The following PDE7B variants were observed in gnomAD, a reference collection of about 807,000 sequenced individuals.
The protein encoded by PDE7B is 3',5'-cyclic-AMP phosphodiesterase 7B.
PDE7B carries 29 observed loss-of-function variants against 56.2 expected under a neutral mutation model. That is an observed-to-expected ratio of 0.52 (90% CI 0.38 to 0.70). PDE7B has a LOEUF of 0.70. Ranked by LOEUF, PDE7B falls within the 30% of genes least tolerant of loss-of-function variation. The probability of loss-of-function intolerance (pLI) is 0.00; values close to 1 mark genes in which losing one functional copy is unlikely to be tolerated. For synonymous variants in PDE7B, 197 were observed against 196.9 expected (o/e 1.00, Z 0.00); for missense variants, 490 against 565.0 (o/e 0.87, Z 1.35).
intron 2 of PDE7B, among the ~76,000 whole-genome samples, chr6:136,090,124 G>A (rs987121975): frequency 4.6e-5 from 7 of 152,100 alleles, no homozygotes; most frequent in South Asian, 2.1e-4. Context: ...TGACTCACAA[G>A]CGACTGTTCT....
chr6:136,093,201 T>G (rs1475198166), intron 2 of PDE7B, among the ~76,000 whole-genome samples: 1 of 152,198 alleles, frequency 6.6e-6, no homozygotes, highest in African/African-American at 2.4e-5. Context: ...GTCAGGGGTA[T>G]GTTTAATGCA....
At chr6:135,999,114 C>A (rs920469724) in intron 2 of PDE7B, among the ~76,000 whole-genome samples, 1 of 152,082 alleles carries the variant, frequency 6.6e-6, no homozygotes, top group African/African-American at 2.4e-5. Flanking sequence ...GAACTTCAGT[C>A]AATAAGTTGT....
chr6:135,992,411 G>A (rs1265177511), intron 2 of PDE7B, among the ~76,000 whole-genome samples: 1 of 151,994 alleles, frequency 6.6e-6, no homozygotes, highest in African/African-American at 2.4e-5. Context: ...TAACATTTCT[G>A]TTTCATTTCA....
intron 8 of PDE7B, among the ~76,000 whole-genome samples, chr6:136,161,523 G>C (rs183481270): frequency 1.3e-5 from 2 of 152,240 alleles, no homozygotes; most frequent in Non-Finnish European, 2.9e-5. Flanking sequence ...ATTGCATCTT[G>C]GAATTGACAA....
At position 136,038,327 on chromosome 6, in the gene PDE7B, C is replaced by G. The variant is rs1290176244; in HGVS notation, c.83-70404C>G. On this transcript the variant is annotated intron_variant, in intron 2 of 12. Coordinates refer to ENST00000308191, the MANE Select transcript of PDE7B (RefSeq NM_018945.4). ...AGAGCGATATTTCCACCCAGCAGAG[C>G]TAGGCAGGAGGTGGACAGGCCCAGA... 7 of 1,292,840 alleles carry G rather than the reference C, an allele frequency of 5.4e-6. No individual in the cohort carries two copies. The Admixed American group carries it at 1.6e-4, about 30-fold the overall frequency. 80.1% of individuals were successfully genotyped at this position (1,292,840 alleles called of 1,614,324 possible).
At chr6:135,895,943 G>T (rs759680999) in intron 1 of PDE7B, among the ~76,000 whole-genome samples, 2 of 152,120 alleles carry the variant, frequency 1.3e-5, no homozygotes, top group Non-Finnish European at 2.9e-5. Flanking sequence ...TGCCCCAAGG[G>T]TTCCTTCTTC....
intron 3 of PDE7B, among the ~76,000 whole-genome samples, chr6:136,127,327 C>T (rs913954733): frequency 6.6e-6 from 1 of 152,166 alleles, no homozygotes; most frequent in African/African-American, 2.4e-5. Context: ...GGTAATGCCT[C>T]CCACATTGAA....
chr6:135,935,184 A>ATT (rs1322496738), intron 1 of PDE7B, among the ~76,000 whole-genome samples: 652 of 53,858 alleles, frequency 0.012, 86 homozygotes, highest in East Asian at 0.081. Flanking sequence ...ATATATATAT[A>ATT]TTTATTTATA....
chr6:135,972,705 C>T (rs1232812596), intron 2 of PDE7B, among the ~76,000 whole-genome samples: 1 of 152,024 alleles, frequency 6.6e-6, no homozygotes, highest in Non-Finnish European at 1.5e-5. Flanking sequence ...TCTTAGCTAC[C>T]ACTGTTGCAT....
At chr6:135,900,422 C>T (rs1775979368) in intron 1 of PDE7B, among the ~76,000 whole-genome samples, 1 of 152,106 alleles carries the variant, frequency 6.6e-6, no homozygotes, top group Non-Finnish European at 1.5e-5. Flanking sequence ...AAAGATTTCC[C>T]AGTGTTTTCT....
At chr6:136,150,472 T>TC (rs1778491298) in intron 5 of PDE7B, among the ~76,000 whole-genome samples, 1 of 152,186 alleles carries the variant, frequency 6.6e-6, no homozygotes, top group Non-Finnish European at 1.5e-5. Context: ...GACTATCCTT[T>TC]CCCCAATGTG....
At chr6:135,856,670 G>C (rs2128183613) in intron 1 of PDE7B, among the ~76,000 whole-genome samples, 1 of 152,266 alleles carries the variant, frequency 6.6e-6, no homozygotes, top group East Asian at 1.9e-4. Context: ...TCTGCTCTGA[G>C]TGAGAGTTTA....
At chr6:136,101,480 G>T (rs1206375583) in intron 2 of PDE7B, among the ~76,000 whole-genome samples, 1 of 152,064 alleles carries the variant, frequency 6.6e-6, no homozygotes, top group African/African-American at 2.4e-5. Flanking sequence ...ACTTCTTCCT[G>T]CTTTAGTCTT....
intron 1 of PDE7B, among the ~76,000 whole-genome samples, chr6:135,929,757 C>T (rs986721931): frequency 2.0e-5 from 3 of 152,056 alleles, no homozygotes; most frequent in African/African-American, 4.8e-5. Flanking sequence ...GCTACGAGGG[C>T]GTTTAGAAGA....
chr6:135,902,839 A>G (rs1776029526), intron 1 of PDE7B, among the ~76,000 whole-genome samples: 1 of 152,204 alleles, frequency 6.6e-6, no homozygotes, highest in Admixed American at 6.5e-5. Context: ...TGTAGCTGTT[A>G]GTATATAATC....
rs945317866 is a variant in PDE7B, at chr6:136,185,642, G to T, written c.1046-1394G>T. Among the ~76,000 whole-genome samples, 18 of 152,110 alleles carry T rather than the reference G, an allele frequency of 1.2e-4. 1 individual carries two copies. Among genetic ancestry groups the T allele is most frequent in the African/African-American group, 4.3e-4 (18 of 41,496 alleles). On this transcript the variant is annotated intron_variant, in intron 11 of 12. Transcript: ENST00000308191. ...TAGCCAAGAGTGGTGGTACATGCCT[G>T]TAGTCCCAGCTACTCAGGAGGCTGA...
At chr6:136,040,445 C>T (rs1395187382) in intron 2 of PDE7B, among the ~76,000 whole-genome samples, 1 of 152,174 alleles carries the variant, frequency 6.6e-6, no homozygotes, top group Non-Finnish European at 1.5e-5. Flanking sequence ...TGTCTCTTAC[C>T]TTCTTCCTTA....
rs571457358 is a variant in PDE7B, at chr6:136,100,973, T to C, written c.83-7758T>C. On this transcript the variant is annotated intron_variant, in intron 2 of 12. Transcript: ENST00000308191. ...CATAGTTTATTGAGAGTTTTTAGCA[T>C]GAAAGGCTGAATTTTGTCTAAGGCC... Among the ~76,000 whole-genome samples the C allele has an allele frequency of 2.6e-5, 4 of 152,280 alleles. No individual in the cohort carries two copies. The South Asian group carries it at 8.3e-4, about 32-fold the overall frequency.
At chr6:136,081,317 C>T (rs1777203801) in intron 2 of PDE7B, among the ~76,000 whole-genome samples, 1 of 151,978 alleles carries the variant, frequency 6.6e-6, no homozygotes, top group Admixed American at 6.5e-5. Context: ...CTAGAAAGGA[C>T]CCAATGAGAG....
Sources: gnomAD v4.1 joint callset for allele counts (sites outside exome capture counted in the v4.1 genomes callset) on GRCh38, gnomAD v4.1.1 for gene constraint, MANE v1.5 for transcripts, NCBI Gene and HGNC (gene_info 2026-07-23, HGNC 2026-07-21) for gene names.